Variants in PCDHA3 observed in about 807,000 individuals in gnomAD.
PCDHA3 encodes protocadherin alpha-3.
In PCDHA3, 41 loss-of-function variants were observed where a neutral mutation model predicts 62.2. The observed-to-expected ratio is 0.66, with a 90% CI of 0.51 to 0.86. PCDHA3 has a LOEUF of 0.86. PCDHA3 is among the 40% of genes least tolerant of loss of function. The pLI is 0.00. For synonymous variants in PCDHA3, 640 were observed against 555.4 expected, an observed-to-expected ratio of 1.15 and a Z score of -2.14; for missense variants, 1,304 against 1,241.2, an observed-to-expected ratio of 1.05 and a Z score of -0.76.
chr5:140,840,052 T>C (rs1449998966), intron 1 of PCDHA3, among the ~76,000 whole-genome samples: 1 of 152,072 alleles, frequency 6.6e-6, no homozygotes, highest in Non-Finnish European at 1.5e-5. Flanking sequence ...GGAAGTCTAA[T>C]GTCTTGACAA....
intron 1 of PCDHA3, among the ~76,000 whole-genome samples, chr5:140,904,620 A>T (rs1419190047): frequency 6.6e-6 from 1 of 151,986 alleles, no homozygotes; most frequent in Non-Finnish European, 1.5e-5. Flanking sequence ...TTTTACTTTT[A>T]GTTCTTTAAG....
intron 1 of PCDHA3, chr5:140,865,657 A>C (rs2048950943): frequency 6.6e-6 from 1 of 152,200 alleles, no homozygotes; most frequent in Admixed American, 6.5e-5. Flanking sequence ...ATTTCATTTA[A>C]TACTTATAAC....
intron 1 of PCDHA3, chr5:140,822,475 G>A (rs2150116650): frequency 1.2e-6 from 2 of 1,613,728 alleles, no homozygotes; most frequent in South Asian, 1.1e-5. Context: ...TGTATTGGAT[G>A]CTAATGATAA....
At position 140,850,209 on chromosome 5, in the gene PCDHA3, G is replaced by C. The variant is rs17844333; in HGVS notation, c.2394+46618G>C. ...GGCGCTGCTGACACCTCGGATGAGG[G>C]GCACTGACGGCGCAGTGAGCGAGAT... On this transcript the variant is annotated intron_variant, in intron 1 of 3. Coordinates refer to ENST00000522353, the MANE Select transcript of PCDHA3 (RefSeq NM_018906.3). 7.0e-3 allele frequency: 11,231 copies of C among 1,593,568 alleles called. 1,600 individuals carry two copies. The Admixed American group carries it at 0.15, about 21-fold the overall frequency.
intron 1 of PCDHA3, chr5:140,824,064 A>T: frequency 1.9e-6 from 3 of 1,614,110 alleles, no homozygotes; most frequent in South Asian, 2.2e-5. Context: ...GGGAAGCTCC[A>T]CCCAAAACAG....
rs572471986 is a variant in PCDHA3, at chr5:140,873,263, A to T, written c.2394+69672A>T. The stretch of plus-strand genomic sequence containing the variant: ...ATAAAATATTTCAGACTCAAAAGTG[A>T]TTAAACCATCATACCACTTATGAAA... On this transcript the variant is annotated intron_variant, in intron 1 of 3. Coordinates refer to ENST00000522353, the MANE Select transcript of PCDHA3 (RefSeq NM_018906.3). Among the ~76,000 whole-genome samples, 8 of 152,356 alleles carry T rather than the reference A, an allele frequency of 5.3e-5. 1 individual carries two copies. Among genetic ancestry groups the T allele is most frequent in the Middle Eastern group, 6.8e-3 (2 of 294 alleles).
intron 1 of PCDHA3, among the ~76,000 whole-genome samples, chr5:140,831,520 CTTTTTTTTTT>C (rs35178185): frequency 8.2e-5 from 10 of 122,404 alleles, no homozygotes; most frequent in African/African-American, 3.2e-4. Flanking sequence ...TGCCCCCCAC[CTTTTTTTTTT>C]TTTTTTTTTT....
intron 3 of PCDHA3, among the ~76,000 whole-genome samples, chr5:140,987,227 AT>A (rs1395687024): frequency 4.6e-5 from 7 of 151,696 alleles, no homozygotes; most frequent in African/African-American, 1.7e-4. Context: ...AAAAAAAAAA[AT>A]AATAAATAAA....
At chr5:140,985,684 C>T (rs2097164164) in intron 3 of PCDHA3, among the ~76,000 whole-genome samples, 1 of 151,578 alleles carries the variant, frequency 6.6e-6, no homozygotes, top group Non-Finnish European at 1.5e-5. Flanking sequence ...CTGCCTTACG[C>T]TAATCCTCGT....
chr5:140,883,457 C>A lies in PCDHA3; in HGVS notation c.2394+79866C>A, dbSNP rs142331981. 13 of 1,614,078 alleles carry A rather than the reference C, an allele frequency of 8.1e-6. No individual in the cohort carries two copies. Among genetic ancestry groups the A allele is most frequent in the Non-Finnish European group, 1.1e-5 (13 of 1,180,050 alleles). On this transcript the variant is annotated intron_variant, in intron 1 of 3. Transcript: ENST00000522353. ...CTTGACGCCGCATGTCCCCTTCAAG[C>A]TGGTGTCCACCTACAAGAACTACTA...
intron 1 of PCDHA3, chr5:140,968,754 G>A (rs782271569): frequency 1.2e-5 from 19 of 1,614,052 alleles, no homozygotes; most frequent in South Asian, 2.2e-5. Context: ...GTGGTGGTCC[G>A]AGATAATGGA....
At position 140,855,161 on chromosome 5, in the gene PCDHA3, C is replaced by T. The variant is rs1469242390; in HGVS notation, c.2394+51570C>T. On this transcript the variant is annotated intron_variant, in intron 1 of 3. Coordinates refer to ENST00000522353, the MANE Select transcript of PCDHA3 (RefSeq NM_018906.3). ...TGATGAGCCAAATTTGGTATTGAGC[C>T]TCATGAAAACAAATGTGGCCAAATT... Among the ~76,000 whole-genome samples, 4 of 149,656 alleles carry T rather than the reference C, an allele frequency of 2.7e-5. 1 individual carries two copies. Among genetic ancestry groups the T allele is most frequent in the African/African-American group, 9.8e-5 (4 of 40,822 alleles).
intron 1 of PCDHA3, chr5:140,808,917 T>C (rs781794115): frequency 2.5e-6 from 4 of 1,613,602 alleles, no homozygotes; most frequent in Non-Finnish European, 3.4e-6. Flanking sequence ...GGTGGCGCAG[T>C]GAGCGAGCTG....
intron 1 of PCDHA3, among the ~76,000 whole-genome samples, chr5:140,957,130 A>G (rs1554222831): frequency 6.6e-6 from 1 of 152,188 alleles, no homozygotes; most frequent in East Asian, 1.9e-4. Context: ...TCTTTACTAC[A>G]CTATGAACTA....
chr5:140,840,146 G>A (rs2150303879), intron 1 of PCDHA3, among the ~76,000 whole-genome samples: 10 of 152,008 alleles, frequency 6.6e-5, no homozygotes, highest in Admixed American at 3.3e-4. Flanking sequence ...ATTATCACAC[G>A]TGAAAGGAGA....
intron 1 of PCDHA3, chr5:140,828,273 C>A (rs2150153408): frequency 2.5e-6 from 4 of 1,614,046 alleles, no homozygotes; most frequent in South Asian, 1.1e-5. Flanking sequence ...GAGCTGGTGC[C>A]GCGCCTGTTC....
intron 1 of PCDHA3, among the ~76,000 whole-genome samples, chr5:140,880,084 T>C (rs1554171167): frequency 6.6e-6 from 1 of 152,208 alleles, no homozygotes. Context: ...CAACCTATTA[T>C]AGTAGGCTTA....
intron 1 of PCDHA3, chr5:140,870,461 C>A (rs1554164294): frequency 6.8e-6 from 11 of 1,614,128 alleles, no homozygotes; most frequent in Non-Finnish European, 9.3e-6. Context: ...AATGCGCCTG[C>A]GTTCGCACAG....
chr5:140,843,320 G>GGAC, intron 1 of PCDHA3: 1 of 1,596,056 alleles, frequency 6.3e-7, no homozygotes, highest in Non-Finnish European at 8.6e-7. Context: ...CACGGTTCTG[G>GGAC]TGTCGCTGGT....
Sources: allele counts gnomAD v4.1 joint callset (sites outside exome capture counted in the v4.1 genomes callset), GRCh38; gene constraint gnomAD v4.1.1; transcripts MANE v1.5; gene names NCBI Gene and HGNC (gene_info 2026-07-23, HGNC 2026-07-21).